Variants in SLIT3 observed in about 807,000 individuals in gnomAD.
SLIT3 encodes slit guidance ligand 3.
In SLIT3, 68 loss-of-function variants were observed where a neutral mutation model predicts 184.0. The ratio of observed to expected loss-of-function variants is 0.37; its 90% confidence interval spans 0.30 to 0.45. SLIT3 has a LOEUF of 0.45. SLIT3 is among the 20% of genes least tolerant of loss of function. The probability of loss-of-function intolerance (pLI) is 1.00; values close to 1 mark genes in which losing one functional copy is unlikely to be tolerated. For missense variants in SLIT3, 1,707 were observed against 2,026.0 expected, an observed-to-expected ratio of 0.84 and a Z score of 3.02; for synonymous variants, 831 against 828.6, an observed-to-expected ratio of 1.00 and a Z score of -0.05.
chr5:169,096,049 C>T (rs935777106), intron 4 of SLIT3, among the ~76,000 whole-genome samples: 1 of 152,194 alleles, frequency 6.6e-6, no homozygotes, highest in African/African-American at 2.4e-5. Flanking sequence ...CATATTTTTC[C>T]AGCGTCCCTT....
At chr5:169,020,778 C>T (rs1398755032) in intron 4 of SLIT3, among the ~76,000 whole-genome samples, 1 of 152,162 alleles carries the variant, frequency 6.6e-6, no homozygotes, top group Non-Finnish European at 1.5e-5. Flanking sequence ...ACACGCAGAA[C>T]CAGAGAGGAC....
At chr5:169,118,458 G>C (rs1022672994) in intron 4 of SLIT3, among the ~76,000 whole-genome samples, 2 of 152,176 alleles carry the variant, frequency 1.3e-5, no homozygotes, top group Non-Finnish European at 2.9e-5. Flanking sequence ...TTGGACTTTT[G>C]AAAGGCCAGG....
In SLIT3 at chr5:168,674,190, G is replaced by T. The variant is rs542817981; in HGVS notation, c.3687-859C>A. 2.2e-3 allele frequency among the ~76,000 whole-genome samples: 332 copies of T among 152,234 alleles called. 2 individuals carry two copies. Among genetic ancestry groups the T allele is most frequent in the African/African-American group, 7.7e-3 (320 of 41,528 alleles). On this transcript the variant is annotated intron_variant, in intron 32 of 35. Coordinates refer to ENST00000519560, the MANE Select transcript of SLIT3 (RefSeq NM_003062.4). Reference sequence around the variant, plus strand: ...TACTGCCTTATAATACTCATGCTAGGTAAGTTTGTTATCTCCACTACAGAA... The same window carrying T: ...TACTGCCTTATAATACTCATGCTAGTTAAGTTTGTTATCTCCACTACAGAA...
intron 20 of SLIT3, among the ~76,000 whole-genome samples, chr5:168,743,446 C>A (rs1188206424): frequency 1.3e-5 from 2 of 152,116 alleles, no homozygotes; most frequent in Non-Finnish European, 2.9e-5. Flanking sequence ...TGTTTTGAGG[C>A]ACCACGAACC....
chr5:168,755,403 T>TTCTTTCTTTCTTTC (rs1754872923), intron 16 of SLIT3, among the ~76,000 whole-genome samples: 1 of 19,442 alleles, frequency 5.1e-5, no homozygotes, highest in Non-Finnish European at 9.0e-5. Context: ...CTTTCTTTCT[T>TTCTTTCTTTCTTTC]TCTTTCTTTC....
At chr5:168,685,220 A>G (rs1374590562) in intron 31 of SLIT3, among the ~76,000 whole-genome samples, 1 of 152,178 alleles carries the variant, frequency 6.6e-6, no homozygotes, top group Non-Finnish European at 1.5e-5. Context: ...AAGTGTTGGG[A>G]TTATAGGCAT....
intron 4 of SLIT3, among the ~76,000 whole-genome samples, chr5:168,908,390 T>C (rs2113067529): frequency 6.6e-6 from 1 of 151,748 alleles, no homozygotes; most frequent in East Asian, 2.0e-4. Flanking sequence ...TGCGGAAGAG[T>C]GAGGGCAGGT....
intron 23 of SLIT3, chr5:168,718,228 G>A (rs1487450125): frequency 1.3e-5 from 2 of 151,884 alleles, no homozygotes; most frequent in Non-Finnish European, 2.9e-5. Flanking sequence ...ATCAAGCAAA[G>A]GGCTCCCTTA....
chr5:168,667,437 G>A (rs1761093018), intron 35 of SLIT3, among the ~76,000 whole-genome samples: 1 of 152,244 alleles, frequency 6.6e-6, no homozygotes, highest in East Asian at 1.9e-4. Context: ...TGGGAAATGA[G>A]CTGGAGTTGA....
At chr5:169,288,762 A>T (rs1165299225) in intron 1 of SLIT3, among the ~76,000 whole-genome samples, 1 of 152,058 alleles carries the variant, frequency 6.6e-6, no homozygotes, top group African/African-American at 2.4e-5. Context: ...TCTAAACTCC[A>T]CCTGGTTAAG....
At chr5:168,888,065 T>A (rs1369491270) in intron 4 of SLIT3, among the ~76,000 whole-genome samples, 2 of 152,270 alleles carry the variant, frequency 1.3e-5, no homozygotes, top group African/African-American at 4.8e-5. Flanking sequence ...CTGTCTTATG[T>A]TGGGTTCTCT....
chr5:168,917,101 C>T (rs1380136191), intron 4 of SLIT3, among the ~76,000 whole-genome samples: 1 of 152,150 alleles, frequency 6.6e-6, no homozygotes, highest in Non-Finnish European at 1.5e-5. Flanking sequence ...TTCTATCCCT[C>T]TAGTGGGATG....
intron 6 of SLIT3, among the ~76,000 whole-genome samples, chr5:168,827,540 TC>T (rs761493970): frequency 3.2e-4 from 48 of 152,206 alleles, no homozygotes; most frequent in Non-Finnish European, 7.3e-5. Context: ...CCTGGGACCT[TC>T]CTCTTACAAG....
chr5:168,735,705 CA>C (rs35702062), intron 20 of SLIT3, among the ~76,000 whole-genome samples: 1 of 141,150 alleles, frequency 7.1e-6, no homozygotes, highest in Non-Finnish European at 1.5e-5. Flanking sequence ...CACACACACA[CA>C]TCTCCATCCA....
chr5:168,934,182 C>G (rs939891867), intron 4 of SLIT3, among the ~76,000 whole-genome samples: 8 of 152,170 alleles, frequency 5.3e-5, no homozygotes, highest in Admixed American at 1.3e-4. Context: ...GAACGCTCCT[C>G]GTAGATGGCA....
chr5:168,686,914 A>G (rs1761759950), intron 30 of SLIT3, 65 bp downstream of exon 30: 2 of 1,585,162 alleles, frequency 1.3e-6, no homozygotes, highest in African/African-American at 1.3e-5. Flanking sequence ...CACCTTAGCC[A>G]GTCAGCCCCA....
At chr5:169,049,493 C>T (rs1018534179) in intron 4 of SLIT3, among the ~76,000 whole-genome samples, 6 of 152,120 alleles carry the variant, frequency 3.9e-5, no homozygotes, top group African/African-American at 1.2e-4. Flanking sequence ...AGCAAAGCTA[C>T]ATAAACAAGA....
intron 4 of SLIT3, among the ~76,000 whole-genome samples, chr5:168,994,467 T>G (rs142951788): frequency 9.2e-5 from 14 of 151,994 alleles, no homozygotes; most frequent in African/African-American, 3.4e-4. Context: ...TCCATCTCAA[T>G]CCCCTCTTAC....
intron 4 of SLIT3, among the ~76,000 whole-genome samples, chr5:169,134,364 G>C (rs1420744696): frequency 2.6e-5 from 4 of 152,164 alleles, no homozygotes; most frequent in Non-Finnish European, 5.9e-5. Flanking sequence ...CTTTCTTTCA[G>C]CTTAAGTTCA....
Sources: gnomAD v4.1 joint callset for allele counts (sites outside exome capture counted in the v4.1 genomes callset) on GRCh38, gnomAD v4.1.1 for gene constraint, MANE v1.5 for transcripts, NCBI Gene and HGNC (gene_info 2026-07-23, HGNC 2026-07-21) for gene names.